FGF14: variants seen among roughly 807,000 people sequenced by gnomAD.
FGF14 encodes fibroblast growth factor 14.
FGF14 carries 5 observed loss-of-function variants against 25.5 expected under a neutral mutation model. That is an observed-to-expected ratio of 0.20 (90% CI 0.10 to 0.41). The LOEUF (loss-of-function observed/expected upper bound fraction) is 0.41, where lower values mean the gene tolerates loss of function less well. Among genes scored for constraint, FGF14 ranks in the 10% least tolerant of loss-of-function variants. The probability of loss-of-function intolerance (pLI) is 1.00; values close to 1 mark genes in which losing one functional copy is unlikely to be tolerated. For missense variants in FGF14, 222 were observed against 320.1 expected (o/e 0.69, Z 2.34); for synonymous variants, 138 against 118.3 (o/e 1.17, Z -1.08).
intron 1 of FGF14, among the ~76,000 whole-genome samples, chr13:102,157,972 T>G (rs1246491127): frequency 6.6e-6 from 1 of 152,138 alleles, no homozygotes; most frequent in African/African-American, 2.4e-5. Context: ...CATAATGAGA[T>G]ACCATCTCAC....
intron 3 of FGF14, among the ~76,000 whole-genome samples, chr13:101,866,552 T>A (rs2044715671): frequency 6.6e-6 from 1 of 151,992 alleles, no homozygotes; most frequent in African/African-American, 2.4e-5. Flanking sequence ...CTAGACAGAG[T>A]GGATTGTACA....
At chr13:102,161,652 G>GTACCCC (rs1566765258) in intron 1 of FGF14, among the ~76,000 whole-genome samples, 1,209 of 16,972 alleles carry the variant, frequency 0.071, 120 homozygotes, top group African/African-American at 0.13. Context: ...AGAAGAAGAA[G>GTACCCC]AAGAAGAAGA....
intron 1 of FGF14, among the ~76,000 whole-genome samples, chr13:102,183,436 G>A (rs2048755403): frequency 6.6e-6 from 1 of 152,162 alleles, no homozygotes; most frequent in Admixed American, 6.6e-5. Context: ...GATAAGTACT[G>A]CCAGATCGTC....
intron 1 of FGF14, among the ~76,000 whole-genome samples, chr13:102,052,758 C>A (rs2042270110): frequency 6.6e-6 from 1 of 151,986 alleles, no homozygotes; most frequent in Admixed American, 6.6e-5. Flanking sequence ...AATCACCAGA[C>A]CTGTTTTACA....
At position 101,801,449 on chromosome 13, in the gene FGF14, C is replaced by T. The variant is rs553194715; in HGVS notation, c.408+67276G>A. On this transcript the variant is annotated intron_variant, in intron 3 of 4. Coordinates refer to ENST00000376143, the MANE Select transcript of FGF14 (RefSeq NM_004115.4). Reference sequence around the variant, plus strand: ...CTCTGCTGTTGTAATGTGAAAGCAGCCATAGAAAATATTACTTTAAAAAGT... The same window carrying T: ...CTCTGCTGTTGTAATGTGAAAGCAGTCATAGAAAATATTACTTTAAAAAGT... Among the ~76,000 whole-genome samples, 418 of 151,566 alleles carry T rather than the reference C, an allele frequency of 2.8e-3. 1 individual carries two copies. The highest frequency in any genetic ancestry group is 5.9e-3 in the Admixed American group (90 of 15,220).
intron 1 of FGF14, among the ~76,000 whole-genome samples, chr13:102,274,842 T>C (rs2053428677): frequency 1.3e-5 from 2 of 151,838 alleles, no homozygotes; most frequent in Admixed American, 6.6e-5. Context: ...CATGCCCATA[T>C]ATCTTGTAAC....
chr13:101,994,176 TAA>T (rs1447741296), intron 1 of FGF14, among the ~76,000 whole-genome samples: 1 of 151,982 alleles, frequency 6.6e-6, no homozygotes, highest in African/African-American at 2.4e-5. Flanking sequence ...CAAATAAAGA[TAA>T]AGAGAACAAA....
intron 1 of FGF14, among the ~76,000 whole-genome samples, chr13:101,936,351 C>T (rs1182580312): frequency 6.6e-6 from 1 of 152,194 alleles, no homozygotes; most frequent in Non-Finnish European, 1.5e-5. Flanking sequence ...AATCCTGCCA[C>T]TTGCCTTCAG....
intron 1 of FGF14, among the ~76,000 whole-genome samples, chr13:102,169,611 G>C (rs535789637): frequency 9.9e-5 from 15 of 152,282 alleles, no homozygotes; most frequent in Admixed American, 9.2e-4. Context: ...AACCATATTT[G>C]CAAATTTACA....
chr13:101,753,430 T>A (rs113933453), intron 3 of FGF14, among the ~76,000 whole-genome samples: 163 of 152,304 alleles, frequency 1.1e-3, no homozygotes, highest in African/African-American at 3.6e-3. Context: ...AAATATTGAT[T>A]TGCTTTTTTG....
chr13:102,288,701 C>T (rs552179610), intron 1 of FGF14, among the ~76,000 whole-genome samples: 22 of 152,218 alleles, frequency 1.4e-4, no homozygotes, highest in African/African-American at 5.3e-4. Context: ...TCTTCTGCCT[C>T]AGCCTCCCAA....
chr13:102,375,757 G>GT (rs2058025409), intron 1 of FGF14, among the ~76,000 whole-genome samples: 1 of 152,064 alleles, frequency 6.6e-6, no homozygotes, highest in South Asian at 2.1e-4. Flanking sequence ...AGCAATTAAA[G>GT]TATCAATAAA....
At chr13:102,062,802 G>T (rs2042745884) in intron 1 of FGF14, among the ~76,000 whole-genome samples, 1 of 152,036 alleles carries the variant, frequency 6.6e-6, no homozygotes, top group Non-Finnish European at 1.5e-5. Context: ...TCAATGATAA[G>T]AAAAAATGTG....
chr13:102,167,447 A>G (rs943645482), intron 1 of FGF14, among the ~76,000 whole-genome samples: 1 of 151,938 alleles, frequency 6.6e-6, no homozygotes, highest in Non-Finnish European at 1.5e-5. Flanking sequence ...GAAAGAAGCC[A>G]CCTCTGCCTG....
chr13:102,367,410 A>G (rs2057745144), intron 1 of FGF14: 1 of 152,354 alleles, frequency 6.6e-6, no homozygotes, highest in Non-Finnish European at 1.5e-5. Flanking sequence ...GATCCAACAG[A>G]GAGCACTGAC....
At chr13:101,736,968 A>G (rs1202816594) in intron 3 of FGF14, among the ~76,000 whole-genome samples, 2 of 118,410 alleles carry the variant, frequency 1.7e-5, no homozygotes, top group Non-Finnish European at 4.1e-5. Context: ...AAGATTATTC[A>G]ATTTGTTTAG....
chr13:101,989,916 T>A (rs970590823), intron 1 of FGF14, among the ~76,000 whole-genome samples: 1 of 152,106 alleles, frequency 6.6e-6, no homozygotes, highest in Non-Finnish European at 1.5e-5. Flanking sequence ...TCTTGCCAAG[T>A]TCTCTGTATT....
chr13:101,903,874 T>TGTACG (rs1594668683), intron 1 of FGF14, among the ~76,000 whole-genome samples: 5 of 152,290 alleles, frequency 3.3e-5, no homozygotes, highest in Admixed American at 2.6e-4. Flanking sequence ...TTTGTATGAG[T>TGTACG]GTACGGAGTA....
chr13:102,131,700 C>G (rs1481593981), intron 1 of FGF14, among the ~76,000 whole-genome samples: 3 of 152,080 alleles, frequency 2.0e-5, no homozygotes, highest in Non-Finnish European at 4.4e-5. Flanking sequence ...AGATTGCTAC[C>G]TAATTTGTTT....
Sources: allele counts gnomAD v4.1 joint callset (sites outside exome capture counted in the v4.1 genomes callset), GRCh38; gene constraint gnomAD v4.1.1; transcripts MANE v1.5; gene names NCBI Gene and HGNC (gene_info 2026-07-23, HGNC 2026-07-21).